The following TBX5 variants were observed in gnomAD, a reference collection of about 807,000 sequenced individuals.
The protein encoded by TBX5 is T-box transcription factor 5.
A neutral mutation model predicts 51.1 loss-of-function variants in TBX5; 8 were observed. The ratio of observed to expected loss-of-function variants is 0.16; its 90% CI spans 0.09 to 0.28. TBX5 has a LOEUF of 0.28. TBX5 is among the 10% of genes least tolerant of loss of function. The probability of loss-of-function intolerance (pLI) is 1.00; values close to 1 mark genes in which losing one functional copy is unlikely to be tolerated. For synonymous variants in TBX5, 302 were observed against 266.4 expected (o/e 1.13, Z -1.30); for missense variants, 589 against 671.7 (o/e 0.88, Z 1.36).
chr12:114,366,984 T>G (rs1402952111), intron 7 of TBX5, among the ~76,000 whole-genome samples: 3 of 152,174 alleles, frequency 2.0e-5, no homozygotes, highest in African/African-American at 7.2e-5. Flanking sequence ...ACCTTAGTTT[T>G]CCCATCTGTA....
intron 7 of TBX5, among the ~76,000 whole-genome samples, chr12:114,385,016 T>C (rs147511261): frequency 3.6e-4 from 55 of 151,810 alleles, no homozygotes; most frequent in African/African-American, 1.1e-3. Flanking sequence ...TCCAGTGCCC[T>C]GGACACCACA....
At chr12:114,400,683 C>A (rs1871752954) in intron 3 of TBX5, among the ~76,000 whole-genome samples, 1 of 152,196 alleles carries the variant, frequency 6.6e-6, no homozygotes, top group South Asian at 2.1e-4. Context: ...TAGTTAAATC[C>A]TCACGGCTCA....
chr12:114,406,152 C>G (rs983310006), upstream of TBX5: 6 of 442,004 alleles, frequency 1.4e-5, no homozygotes, highest in African/African-American at 2.2e-5. Context: ...ACTGAAATCG[C>G]CTATCCAACT....
At chr12:114,368,483 G>C (rs1007653458) in intron 7 of TBX5, among the ~76,000 whole-genome samples, 5 of 152,206 alleles carry the variant, frequency 3.3e-5, no homozygotes, top group Non-Finnish European at 7.3e-5. Flanking sequence ...GACTCTATGT[G>C]ATAGGTATTA....
intron 7 of TBX5, among the ~76,000 whole-genome samples, chr12:114,367,252 G>GGAAA (rs1555224061): frequency 5.0e-5 from 7 of 141,236 alleles, no homozygotes; most frequent in African/African-American, 1.5e-4. Context: ...AAACAAAAAA[G>GGAAA]GAAAGAAAGA....
In TBX5 at chr12:114,399,595, G is replaced by GGCC; in HGVS notation, c.277_279dup (p.Gly93dup). ...AGAATGTACTTCGTTTTGGGATTAA[G>GGCC]GCCCGTCACCTTCACTTTGTAACTG... On this transcript the variant is annotated inframe_insertion, in exon 4 of 9. Transcript: ENST00000405440. 1.2e-6 allele frequency: 2 copies of GGCC among 1,614,176 alleles called. No homozygotes were observed. Among genetic ancestry groups the GGCC allele is most frequent in the Non-Finnish European group, 1.7e-6 (2 of 1,180,036 alleles).
At chr12:114,374,953 G>C (rs1870110873) in intron 7 of TBX5, among the ~76,000 whole-genome samples, 1 of 152,176 alleles carries the variant, frequency 6.6e-6, no homozygotes, top group Non-Finnish European at 1.5e-5. Context: ...ATATGTGGTA[G>C]AGCAAATATA....
intron 8 of TBX5, among the ~76,000 whole-genome samples, chr12:114,362,651 A>T (rs1283527722): frequency 6.6e-6 from 1 of 151,988 alleles, no homozygotes; most frequent in African/African-American, 2.4e-5. Context: ...ATAGCATTCA[A>T]TCATTTATTT....
chr12:114,393,114 C>A (rs991927054), intron 6 of TBX5, among the ~76,000 whole-genome samples: 1 of 152,114 alleles, frequency 6.6e-6, no homozygotes, highest in African/African-American at 2.4e-5. Context: ...GTATTCTCTG[C>A]CAAGCCAGCC....
intron 2 of TBX5, among the ~76,000 whole-genome samples, chr12:114,402,917 C>G (rs928033088): frequency 2.6e-5 from 4 of 152,198 alleles, no homozygotes; most frequent in African/African-American, 9.7e-5. Flanking sequence ...AAGAGAGAAG[C>G]CGGGAAAAGC....
chr12:114,385,386 G>T, intron 7 of TBX5, 90 bp downstream of exon 7: 1 of 1,074,184 alleles, frequency 9.3e-7, no homozygotes, highest in Non-Finnish European at 1.4e-6. Context: ...CAGGAAGGCT[G>T]GTGGAGGGAG....
chr12:114,365,838 A>AG (rs969775999), intron 8 of TBX5, among the ~76,000 whole-genome samples: 2 of 150,756 alleles, frequency 1.3e-5, no homozygotes, highest in African/African-American at 4.9e-5. Context: ...TCAAAAAAAA[A>AG]AAAAAAAGAA....
At position 114,354,031 on chromosome 12, in the gene TBX5, C is replaced by T. The variant is rs1336030728; in HGVS notation, c.*1501G>A. On this transcript the variant is annotated 3_prime_UTR_variant, in exon 9 of 9. Transcript: ENST00000405440. ...CTCCCCCCTTAGCAACGTAAAGAGA[C>T]ATAATCGCATAGGGACACTCACTTA... 1 of 152,492 alleles carries T rather than the reference C, an allele frequency of 6.6e-6. No homozygotes were observed. The highest frequency in any genetic ancestry group is 6.6e-5 in the Admixed American group (1 of 15,266). 9.4% of individuals were successfully genotyped at this position (152,492 alleles called of 1,614,324 possible). A position where few individuals can be genotyped will look rare whatever the true frequency, so the allele number is the denominator to read the frequency against.
chr12:114,372,308 T>C (rs1869953929), intron 7 of TBX5, among the ~76,000 whole-genome samples: 1 of 152,002 alleles, frequency 6.6e-6, no homozygotes, highest in Non-Finnish European at 1.5e-5. Context: ...TTGTCGGTTT[T>C]TTTCTTTTGT....
chr12:114,370,898 T>C (rs1377399888), intron 7 of TBX5, among the ~76,000 whole-genome samples: 2 of 152,114 alleles, frequency 1.3e-5, no homozygotes, highest in Admixed American at 6.5e-5. Flanking sequence ...CAGTGTACAC[T>C]GTACCCAATA....
intron 5 of TBX5, 77 bp from the exon 6 acceptor site, chr12:114,394,970 C>T (rs1871343303): frequency 6.8e-7 from 1 of 1,480,464 alleles, no homozygotes; most frequent in Non-Finnish European, 9.3e-7. Flanking sequence ...TGCTCCCCGC[C>T]CTCTAAATTC....
chr12:114,402,871 CA>C (rs1871914852), intron 2 of TBX5, among the ~76,000 whole-genome samples: 1 of 152,054 alleles, frequency 6.6e-6, no homozygotes, highest in Admixed American at 6.6e-5. Context: ...TGCTTCTCTA[CA>C]AATATACACA....
chr12:114,398,718 G>A lies in TBX5; in HGVS notation c.365C>T (p.Ser122Phe). The change falls in exon 5 of 9, where the codon TCT becomes TTT. Residue 122 changes from serine to phenylalanine, a missense_variant and splice_region_variant. Coordinates refer to ENST00000405440, the MANE Select transcript of TBX5 (RefSeq NM_181486.4). ...HRYKFADNKW[S>F]VTGKAEPAMP... The stretch of plus-strand genomic sequence containing the variant: ...GGCGGGCTCAGCTTTGCCCGTCACA[G>A]ACCTAGATGAAGGAGAGGTGTACTA... 1 of 1,599,150 alleles carries A rather than the reference G, an allele frequency of 6.3e-7. No homozygotes were observed. The highest frequency in any genetic ancestry group is 8.5e-7 in the Non-Finnish European group (1 of 1,172,912).
At chr12:114,358,545 A>C (rs962741743) in intron 8 of TBX5, among the ~76,000 whole-genome samples, 8 of 152,186 alleles carry the variant, frequency 5.3e-5, no homozygotes, top group African/African-American at 1.9e-4. Flanking sequence ...AACAAAACAT[A>C]TCTCTTAGGG....
Sources: allele counts gnomAD v4.1 joint callset (sites outside exome capture counted in the v4.1 genomes callset), GRCh38; gene constraint gnomAD v4.1.1; transcripts MANE v1.5; gene names NCBI Gene and HGNC (gene_info 2026-07-23, HGNC 2026-07-21).